CDH19: variants seen among roughly 807,000 people sequenced by gnomAD.
CDH19 encodes the protein cadherin-19.
CDH19 carries 67 observed loss-of-function variants against 64.2 expected under a neutral mutation model. That is an observed-to-expected ratio of 1.04 (90% CI 0.86 to 1.28). The LOEUF is 1.28. Ranked by LOEUF, CDH19 falls within the 50% of genes most tolerant of loss-of-function variation. The pLI is 0.00. For missense variants in CDH19, 1,030 were observed against 929.0 expected (o/e 1.11, Z -1.41); for synonymous variants, 346 against 319.3 (o/e 1.08, Z -0.89).
intron 1 of CDH19, among the ~76,000 whole-genome samples, chr18:66,580,556 CTT>C (rs886724367): frequency 5.3e-5 from 8 of 151,978 alleles, no homozygotes; most frequent in African/African-American, 1.9e-4. Context: ...AAAGTTGAAA[CTT>C]AGAAGTTTCT....
At chr18:66,539,900 G>A (rs1366140175) in intron 7 of CDH19, among the ~76,000 whole-genome samples, 2 of 151,502 alleles carry the variant, frequency 1.3e-5, no homozygotes, top group East Asian at 1.9e-4. Flanking sequence ...ATGTATACGT[G>A]TGTGTGTGTG....
At chr18:66,509,371 G>A (rs1022619186) in intron 10 of CDH19, 125 bp from the exon 11 acceptor site, 9 of 749,828 alleles carry the variant, frequency 1.2e-5, no homozygotes, top group African/African-American at 1.8e-5. Flanking sequence ...AAAGGAAGAC[G>A]AAATTTCTGA....
chr18:66,576,770 T>C (rs1988278574), intron 1 of CDH19, among the ~76,000 whole-genome samples: 2 of 151,640 alleles, frequency 1.3e-5, no homozygotes, highest in Middle Eastern at 3.4e-3. Flanking sequence ...ATTAAAAAGA[T>C]AAAAATATGT....
chr18:66,541,174 T>C (rs968202775), intron 7 of CDH19, among the ~76,000 whole-genome samples: 1 of 152,112 alleles, frequency 6.6e-6, no homozygotes, highest in African/African-American at 2.4e-5. Flanking sequence ...CAAGACGTGA[T>C]GAAACTGAGT....
At chr18:66,556,514 T>C (rs1389708150) in intron 3 of CDH19, among the ~76,000 whole-genome samples, 2 of 151,852 alleles carry the variant, frequency 1.3e-5, no homozygotes, top group African/African-American at 4.8e-5. Flanking sequence ...AATAAGATCA[T>C]GCAATATTTT....
chr18:66,522,071 T>C (rs1322700990), intron 9 of CDH19, among the ~76,000 whole-genome samples: 3 of 146,522 alleles, frequency 2.0e-5, no homozygotes, highest in African/African-American at 5.1e-5. Context: ...CTCAGCCTCC[T>C]GAATAGCTGG....
intron 9 of CDH19, among the ~76,000 whole-genome samples, chr18:66,512,469 T>C (rs1399105996): frequency 6.6e-6 from 1 of 151,492 alleles, no homozygotes; most frequent in Admixed American, 6.6e-5. Flanking sequence ...TTTTCTACAA[T>C]TAAAGTGCCT....
At chr18:66,535,604 A>T (rs1986630808) in intron 7 of CDH19, among the ~76,000 whole-genome samples, 1 of 147,198 alleles carries the variant, frequency 6.8e-6, no homozygotes, top group African/African-American at 2.5e-5. Context: ...GGAATCAGGA[A>T]TCCAAAATAT....
intron 11 of CDH19, among the ~76,000 whole-genome samples, chr18:66,506,345 T>C (rs928325778): frequency 6.6e-6 from 1 of 151,936 alleles, no homozygotes; most frequent in Non-Finnish European, 1.5e-5. Context: ...AGGCTACATG[T>C]TTTCAGTCAC....
Position 66,521,916 on chromosome 18 carries a change from C to CTGTTTTTGTTGT in CDH19, c.1458+7928_1458+7929insACAACAAAAACA, listed in dbSNP as rs775775092. ...TACAGGGTTTATGTAGTTACTTGTT[C>CTGTTTTTGTTGT]TGTTGTTGTTGTTGTTGTTGTTGTT... On this transcript the variant is annotated intron_variant, in intron 9 of 11. Transcript: ENST00000262150. 4.6e-3 allele frequency among the ~76,000 whole-genome samples: 509 copies of CTGTTTTTGTTGT among 111,512 alleles called. 2 individuals carry two copies. Among genetic ancestry groups the CTGTTTTTGTTGT allele is most frequent in the South Asian group, 0.017 (53 of 3,088 alleles). 73.2% of individuals were successfully genotyped at this position (111,512 alleles called of 152,430 possible). A position where few individuals can be genotyped will look rare whatever the true frequency, so the allele number is the denominator to read the frequency against.
At chr18:66,530,590 G>T (rs1187475440) in intron 8 of CDH19, among the ~76,000 whole-genome samples, 1 of 151,798 alleles carries the variant, frequency 6.6e-6, no homozygotes, top group Non-Finnish European at 1.5e-5. Context: ...AGTGAGCCAA[G>T]AAATCCAAAA....
Position 66,504,603 on chromosome 18 carries a change from G to A in CDH19, c.*209C>T, listed in dbSNP as rs114978395. 2.1e-6 allele frequency: 1 copy of A among 470,416 alleles called. No individual in the cohort carries two copies. 29.1% of individuals were successfully genotyped at this position (470,416 alleles called of 1,614,324 possible). ...AATCTGGTTGTATTGATGCCTGTGA[G>A]CTGATTGTTTACATTTCTCCCCACA... On this transcript the variant is annotated 3_prime_UTR_variant, in exon 12 of 12. Transcript: ENST00000262150.
At position 66,596,834 on chromosome 18, in the gene CDH19, G is replaced by A. The variant is rs548714629; in HGVS notation, c.-113+7120C>T. Among the ~76,000 whole-genome samples, 431 of 151,842 alleles carry A rather than the reference G, an allele frequency of 2.8e-3. 3 individuals are homozygous for A. Among genetic ancestry groups the A allele is most frequent in the African/African-American group, 9.8e-3 (408 of 41,442 alleles). On this transcript the variant is annotated intron_variant, in intron 1 of 11. Transcript: ENST00000262150. Reference sequence around the variant, plus strand: ...GCGGTGGCTCACGCCTGTAGTCCCAGCACTTTGGGAGGCCGAGGCGGGCGG... The same window carrying A: ...GCGGTGGCTCACGCCTGTAGTCCCAACACTTTGGGAGGCCGAGGCGGGCGG...
At chr18:66,602,727 G>C (rs929223009) in intron 1 of CDH19, among the ~76,000 whole-genome samples, 2 of 151,668 alleles carry the variant, frequency 1.3e-5, no homozygotes, top group Admixed American at 1.3e-4. Context: ...TAAAGGAAAG[G>C]AGATCTGGTG....
At chr18:66,547,868 C>CAT (rs1987186271) in intron 5 of CDH19, among the ~76,000 whole-genome samples, 1 of 142,548 alleles carries the variant, frequency 7.0e-6, no homozygotes, top group Non-Finnish European at 1.5e-5. Context: ...GGGGTTTCAC[C>CAT]GTTTTAGCCG....
chr18:66,507,796 G>A (rs1485569078), intron 11 of CDH19, among the ~76,000 whole-genome samples: 1 of 151,590 alleles, frequency 6.6e-6, no homozygotes, highest in East Asian at 1.9e-4. Context: ...AGTTTTAATT[G>A]ACAAAAACAT....
intron 1 of CDH19, among the ~76,000 whole-genome samples, chr18:66,588,124 T>TCC (rs1988629894): frequency 6.6e-6 from 1 of 152,112 alleles, no homozygotes; most frequent in Non-Finnish European, 1.5e-5. Flanking sequence ...ATCTGGATCC[T>TCC]CCAGTCACTT....
chr18:66,512,423 TTAAAG>T lies in CDH19; in HGVS notation c.1459-743_1459-739del, dbSNP rs529710651. On this transcript the variant is annotated intron_variant, in intron 9 of 11. Coordinates refer to ENST00000262150, the MANE Select transcript of CDH19 (RefSeq NM_021153.4). ...GTGAGATTGTGATTAATTGTGGAAA[TTAAAG>T]TAAATTGATTATAGAAGTTATTGTT... is the stretch of plus-strand genomic sequence containing the variant. Among the ~76,000 whole-genome samples, 23 of 151,628 alleles carry T rather than the reference TTAAAG, an allele frequency of 1.5e-4. 1 individual carries two copies. In the South Asian group the frequency reaches 4.6e-3, roughly 30 times the overall value.
chr18:66,535,733 A>G (rs1986639359), intron 7 of CDH19, among the ~76,000 whole-genome samples: 1 of 147,074 alleles, frequency 6.8e-6, no homozygotes, highest in Non-Finnish European at 1.5e-5. Context: ...TTTAATACAT[A>G]TATGCTTTAT....
Sources: allele counts gnomAD v4.1 joint callset (sites outside exome capture counted in the v4.1 genomes callset), GRCh38; gene constraint gnomAD v4.1.1; transcripts MANE v1.5; gene names NCBI Gene and HGNC (gene_info 2026-07-23, HGNC 2026-07-21).